Variants in IGF2R observed in about 807,000 individuals in gnomAD.
IGF2R encodes insulin like growth factor 2 receptor.
A neutral mutation model predicts 270.6 loss-of-function variants in IGF2R; 91 were observed. That is an observed-to-expected ratio of 0.34 (90% CI 0.28 to 0.40). The LOEUF is 0.40. Among genes scored for constraint, IGF2R ranks in the 10% least tolerant of loss-of-function variants. The pLI is 1.00. For synonymous variants in IGF2R, 1,316 were observed against 1,258.9 expected (o/e 1.05, Z -0.96); for missense variants, 2,805 against 3,188.3 (o/e 0.88, Z 2.90).
rs754678766 is a variant in IGF2R, at chr6:160,056,362, CT to C, written c.2695-58del. On this transcript the variant is annotated intron_variant, in intron 19 of 47. Transcript: ENST00000356956. ...TATTTTTATGTCTCAGGCGAGTATT[CT>C]TTTGGTTCTATCAAGTTCCATGTTA... 52 of 1,142,528 alleles carry C rather than the reference CT, an allele frequency of 4.6e-5. No individual in the cohort carries two copies. In the Middle Eastern group the frequency reaches 1.2e-3, roughly 26 times the overall value. The allele number at this position is 1,142,528 out of a possible 1,614,324, so 70.8% of individuals were successfully genotyped here.
chr6:160,075,878 TCAA>T lies in IGF2R; in HGVS notation c.5199_5201del (p.Asn1734del). On this transcript the variant is annotated inframe_deletion, in exon 36 of 48. Transcript: ENST00000356956. Reference sequence around the variant, plus strand: ...GGCCGGGTAGCAGGACCACCAATACTCAATCCAATAGCAAATGAGATTTACTTG... The same window carrying T: ...GGCCGGGTAGCAGGACCACCAATACTTCCAATAGCAAATGAGATTTACTTG... 3 of 1,614,180 alleles carry T rather than the reference TCAA, an allele frequency of 1.9e-6. No homozygotes were observed. Among genetic ancestry groups the T allele is most frequent in the Non-Finnish European group, 2.5e-6 (3 of 1,179,996 alleles).
chr6:160,058,349 T>G (rs372072062), intron 21 of IGF2R, among the ~76,000 whole-genome samples: 1 of 152,224 alleles, frequency 6.6e-6, no homozygotes, highest in South Asian at 2.1e-4. Context: ...CTTCAAATAA[T>G]AAGTTGTTCT....
intron 1 of IGF2R, among the ~76,000 whole-genome samples, chr6:159,975,113 T>C (rs183141595): frequency 5.3e-4 from 81 of 152,246 alleles, no homozygotes; most frequent in African/African-American, 1.9e-3. Flanking sequence ...TGGGGCTCAG[T>C]TCCCGAGACC....
intron 10 of IGF2R, among the ~76,000 whole-genome samples, chr6:160,036,565 C>T (rs940752030): frequency 2.0e-5 from 3 of 152,052 alleles, no homozygotes; most frequent in Admixed American, 6.6e-5. Context: ...ATGACTTGGC[C>T]GAGATCTTTG....
intron 4 of IGF2R, among the ~76,000 whole-genome samples, chr6:160,016,914 C>T (rs1038951844): frequency 6.6e-6 from 1 of 152,190 alleles, no homozygotes; most frequent in Admixed American, 6.5e-5. Context: ...GTGACAGTTT[C>T]TCTAGATGAG....
chr6:160,070,834 G>A (rs1229547786), intron 31 of IGF2R, among the ~76,000 whole-genome samples: 1 of 152,212 alleles, frequency 6.6e-6, no homozygotes, highest in Non-Finnish European at 1.5e-5. Context: ...GGGGCTCCAG[G>A]AGCTTCAGGC....
At position 160,029,689 on chromosome 6, in the gene IGF2R, G is replaced by T. The variant is rs374135149; in HGVS notation, c.882+34G>T. The T allele has an allele frequency of 3.4e-6, 5 of 1,478,154 alleles. No homozygotes were observed. The African/African-American group carries it at 6.9e-5, about 20-fold the overall frequency. The allele number at this position is 1,478,154 out of a possible 1,614,324, so 91.6% of individuals were successfully genotyped here. Reference sequence around the variant, plus strand: ...CTCGTCTCCTGATCACTAATGTGGCGCACAGTAGCCTGGGTTGCCCATGCG... The same window carrying T: ...CTCGTCTCCTGATCACTAATGTGGCTCACAGTAGCCTGGGTTGCCCATGCG... On this transcript the variant is annotated intron_variant, in intron 7 of 47. Transcript: ENST00000356956.
rs1779357392 is a variant in IGF2R, at chr6:160,096,345, G to T, written c.6656-94G>T. On this transcript the variant is annotated intron_variant, in intron 44 of 47. Transcript: ENST00000356956. Reference sequence around the variant, plus strand: ...TGAAGTCTCTTCTGCCTGATTTTAAGTCTTTGCAAACTTTTTAGACCGTAA... The same window carrying T: ...TGAAGTCTCTTCTGCCTGATTTTAATTCTTTGCAAACTTTTTAGACCGTAA... 5 of 1,168,734 alleles carry T rather than the reference G, an allele frequency of 4.3e-6. No individual in the cohort carries two copies. In the East Asian group the frequency reaches 1.2e-4, roughly 28 times the overall value. The allele number at this position is 1,168,734 out of a possible 1,614,324, so 72.4% of individuals were successfully genotyped here.
intron 14 of IGF2R, 33 bp from the exon 15 acceptor site, chr6:160,046,465 T>A (rs775929342): frequency 1.3e-6 from 2 of 1,589,528 alleles, no homozygotes. Flanking sequence ...CGGACTGACC[T>A]TCCATACTTT....
rs541912434 is a variant in IGF2R at position 160,070,234 on chromosome 6, C to T, written c.4443+176C>T. On this transcript the variant is annotated intron_variant, in intron 31 of 47. Coordinates refer to ENST00000356956, the MANE Select transcript of IGF2R (RefSeq NM_000876.4). The stretch of plus-strand genomic sequence containing the variant: ...CGCCGCGGCCTGCAATCTGGGGAAC[C>T]CTCGTGCTGTCTGGCTCCTTAGAAG... Among the ~76,000 whole-genome samples, 175 of 152,314 alleles carry T rather than the reference C, an allele frequency of 1.1e-3. 1 individual carries two copies. The highest frequency in any genetic ancestry group is 4.1e-3 in the African/African-American group (172 of 41,564).
At chr6:160,076,057 C>G in intron 36 of IGF2R, 61 bp downstream of exon 36, 1 of 1,542,544 alleles carries the variant, frequency 6.5e-7, no homozygotes, top group African/African-American at 1.4e-5. Context: ...CAAGGCTAGA[C>G]AACCAGAAAG....
intron 19 of IGF2R, 113 bp from the exon 20 acceptor site, chr6:160,056,311 A>G: frequency 1.4e-6 from 1 of 726,962 alleles, no homozygotes; most frequent in Non-Finnish European, 2.5e-6. Context: ...TGGCTGACTC[A>G]TAATAAACAT....
intron 44 of IGF2R, among the ~76,000 whole-genome samples, chr6:160,091,182 C>T (rs1192554855): frequency 1.0e-4 from 10 of 97,240 alleles, no homozygotes; most frequent in Admixed American, 2.9e-4. Flanking sequence ...GCAGGTGCTC[C>T]GTGCCCTGGT....
intron 18 of IGF2R, among the ~76,000 whole-genome samples, chr6:160,048,967 C>T (rs1037852021): frequency 1.2e-4 from 18 of 152,292 alleles, no homozygotes; most frequent in South Asian, 1.0e-3. Context: ...CGCTCTCATT[C>T]GCTGCAGTTC....
intron 45 of IGF2R, among the ~76,000 whole-genome samples, chr6:160,097,137 C>T (rs1241977370): frequency 6.6e-6 from 1 of 152,216 alleles, no homozygotes; most frequent in Non-Finnish European, 1.5e-5. Flanking sequence ...AAAGCTTACT[C>T]TCCAGATTTT....
intron 1 of IGF2R, among the ~76,000 whole-genome samples, chr6:159,980,239 GGT>G (rs1783776848): frequency 4.1e-5 from 6 of 145,822 alleles, no homozygotes; most frequent in Admixed American, 6.8e-5. Flanking sequence ...AAGAAAGAAA[GGT>G]ACATGGAAGA....
In IGF2R at chr6:160,102,312, C is replaced by G. The variant is rs1033060605; in HGVS notation, c.6843-207C>G. ...GCCTTCTTGTCTGCTTTCTGACAAC[C>G]CTGCCACAAACTCATCATCAGGAAC... is the stretch of plus-strand genomic sequence containing the variant. On this transcript the variant is annotated intron_variant, in intron 45 of 47. Transcript: ENST00000356956. The surrounding 1 kb of genome is among the most constrained non-coding windows in gnomAD (Gnocchi z 4.5). Among the ~76,000 whole-genome samples the G allele has an allele frequency of 4.6e-5, 7 of 152,294 alleles. No individual in the cohort carries two copies. The highest frequency in any genetic ancestry group is 1.3e-4 in the Admixed American group (2 of 15,298).
intron 1 of IGF2R, among the ~76,000 whole-genome samples, chr6:159,987,484 C>G (rs544134404): frequency 2.4e-4 from 37 of 152,256 alleles, no homozygotes; most frequent in African/African-American, 8.9e-4. Flanking sequence ...CTCTACCTCC[C>G]AGGTTCAAGC....
At chr6:160,089,367 C>T (rs1779168243) in intron 43 of IGF2R, 114 bp downstream of exon 43, 4 of 927,060 alleles carry the variant, frequency 4.3e-6, no homozygotes. Flanking sequence ...GTTTTAGTTA[C>T]TGTTGCTGGA....
Sources: gnomAD v4.1 joint callset for allele counts (sites outside exome capture counted in the v4.1 genomes callset) on GRCh38, gnomAD v4.1.1 for gene constraint, Gnocchi (gnomAD v3.1) non-coding constraint, MANE v1.5 for transcripts, NCBI Gene and HGNC (gene_info 2026-07-23, HGNC 2026-07-21) for gene names.